Variants in ADARB2 observed in about 807,000 individuals in gnomAD.
ADARB2 encodes the protein adenosine deaminase RNA specific B2 (inactive).
Under a neutral mutation model 62.2 loss-of-function variants are expected in ADARB2, and 25 were observed. That is an observed-to-expected ratio of 0.40 (90% CI 0.29 to 0.56). The LOEUF (loss-of-function observed/expected upper bound fraction) is 0.56. ADARB2 is among the 20% of genes least tolerant of loss of function. The probability of loss-of-function intolerance (pLI) is 0.43; values close to 1 mark genes in which losing one functional copy is unlikely to be tolerated. For missense variants in ADARB2, 1,071 were observed against 1,077.4 expected (o/e 0.99, Z 0.08); for synonymous variants, 572 against 500.8 (o/e 1.14, Z -1.90).
intron 3 of ADARB2, among the ~76,000 whole-genome samples, chr10:1,360,661 G>A (rs185051926): frequency 1.9e-4 from 29 of 152,326 alleles, no homozygotes; most frequent in Non-Finnish European, 2.2e-4. Context: ...CATGGGGAGC[G>A]GTACGAGGGA....
intron 1 of ADARB2, among the ~76,000 whole-genome samples, chr10:1,653,448 G>C (rs752105908): frequency 6.7e-6 from 1 of 148,818 alleles, no homozygotes; most frequent in Non-Finnish European, 1.5e-5. Context: ...AATGTTGGGG[G>C]GCCCAGGAAT....
At chr10:1,573,910 A>G (rs1399866638) in intron 1 of ADARB2, among the ~76,000 whole-genome samples, 1 of 152,206 alleles carries the variant, frequency 6.6e-6, no homozygotes, top group African/African-American at 2.4e-5. Context: ...GCTGGGCAGG[A>G]CACAAGACAC....
rs74986478 is a variant in ADARB2, at chr10:1,588,194, C to T, written c.100+148857G>A. Among the ~76,000 whole-genome samples, 19 of 152,242 alleles carry T rather than the reference C, an allele frequency of 1.2e-4. No individual in the cohort carries two copies. The East Asian group carries it at 3.5e-3, about 28-fold the overall frequency. On this transcript the variant is annotated intron_variant, in intron 1 of 9. Coordinates refer to ENST00000381312, the MANE Select transcript of ADARB2 (RefSeq NM_018702.4). Reference sequence around the variant, plus strand: ...GCAGTTCTAAGCTCACAGGTCACACCCTCTCCCCAATCCCTCCAGTTGCTG... The same window carrying T: ...GCAGTTCTAAGCTCACAGGTCACACTCTCTCCCCAATCCCTCCAGTTGCTG...
chr10:1,462,599 G>A (rs892627832), intron 1 of ADARB2, among the ~76,000 whole-genome samples: 3 of 151,884 alleles, frequency 2.0e-5, no homozygotes, highest in African/African-American at 7.3e-5. Context: ...GAGTGTATGT[G>A]CATGTGTGTA....
intron 3 of ADARB2, among the ~76,000 whole-genome samples, chr10:1,281,402 G>T (rs1026709356): frequency 6.6e-6 from 1 of 152,214 alleles, no homozygotes; most frequent in Non-Finnish European, 1.5e-5. Flanking sequence ...TGTGTTGGTG[G>T]TTTGTGGATT....
intron 1 of ADARB2, among the ~76,000 whole-genome samples, chr10:1,511,325 G>A (rs1831933869): frequency 1.3e-5 from 2 of 152,170 alleles, no homozygotes; most frequent in African/African-American, 2.4e-5. Context: ...CCTACCCCAT[G>A]GTGGGCTTTG....
chr10:1,464,339 C>T (rs1831219755), intron 1 of ADARB2, among the ~76,000 whole-genome samples: 1 of 145,766 alleles, frequency 6.9e-6, no homozygotes, highest in African/African-American at 2.6e-5. Flanking sequence ...ACACACACTC[C>T]CCCACACACG....
At chr10:1,468,891 C>G (rs571762535) in intron 1 of ADARB2, among the ~76,000 whole-genome samples, 17 of 152,304 alleles carry the variant, frequency 1.1e-4, no homozygotes, top group African/African-American at 3.8e-4. Flanking sequence ...CTTGAAGAAG[C>G]CTGCAGGATC....
chr10:1,221,576 C>T (rs1830695871), intron 6 of ADARB2, among the ~76,000 whole-genome samples: 1 of 151,206 alleles, frequency 6.6e-6, no homozygotes, highest in South Asian at 2.1e-4. Context: ...CCTCACCCCA[C>T]CCCACCACAG....
intron 1 of ADARB2, among the ~76,000 whole-genome samples, chr10:1,531,264 A>G (rs1428660015): frequency 6.6e-6 from 1 of 152,184 alleles, no homozygotes; most frequent in Non-Finnish European, 1.5e-5. Flanking sequence ...GTGCAGGATC[A>G]TTTCACAAGT....
chr10:1,636,017 A>G (rs553816382), intron 1 of ADARB2, among the ~76,000 whole-genome samples: 1 of 152,314 alleles, frequency 6.6e-6, no homozygotes. Flanking sequence ...CACATGGGAC[A>G]TCAGTGTTGG....
At chr10:1,381,457 G>A (rs1293654118) in intron 1 of ADARB2, among the ~76,000 whole-genome samples, 1 of 152,244 alleles carries the variant, frequency 6.6e-6, no homozygotes, top group Admixed American at 6.5e-5. Flanking sequence ...AGCCCTCCGG[G>A]AATGTAAAAT....
intron 6 of ADARB2, among the ~76,000 whole-genome samples, chr10:1,221,424 A>G (rs1248808801): frequency 6.7e-6 from 1 of 149,584 alleles, no homozygotes; most frequent in African/African-American, 2.5e-5. Flanking sequence ...TAATTTTATT[A>G]TTATTATTAT....
intron 3 of ADARB2, among the ~76,000 whole-genome samples, chr10:1,352,053 G>A (rs1832148165): frequency 6.6e-6 from 1 of 151,712 alleles, no homozygotes; most frequent in African/African-American, 2.4e-5. Context: ...GACTGACCCT[G>A]ACACCCATCA....
chr10:1,425,091 G>T (rs185520333), intron 1 of ADARB2, among the ~76,000 whole-genome samples: 3 of 152,190 alleles, frequency 2.0e-5, no homozygotes, highest in Non-Finnish European at 4.4e-5. Context: ...GCAAGAGAAG[G>T]GGGTGGTCAG....
intron 1 of ADARB2, among the ~76,000 whole-genome samples, chr10:1,425,962 G>T (rs1013962824): frequency 1.3e-5 from 2 of 152,184 alleles, no homozygotes. Flanking sequence ...AGCTGAGCGG[G>T]TGAGGGCTAA....
intron 1 of ADARB2, among the ~76,000 whole-genome samples, chr10:1,592,850 T>C (rs71500153): frequency 0.012 from 60 of 5,182 alleles, no homozygotes; most frequent in Admixed American, 0.019. Context: ...CTCCATAGGT[T>C]TCCTCTCTGG....
intron 4 of ADARB2, among the ~76,000 whole-genome samples, chr10:1,259,057 A>G (rs1041508738): frequency 3.3e-5 from 5 of 152,214 alleles, no homozygotes; most frequent in Non-Finnish European, 7.4e-5. Context: ...CTACTGGGTA[A>G]ATAACGAAAT....
chr10:1,633,224 C>T (rs1467447123), intron 1 of ADARB2, among the ~76,000 whole-genome samples: 1 of 152,106 alleles, frequency 6.6e-6, no homozygotes, highest in Non-Finnish European at 1.5e-5. Flanking sequence ...CACCAGTGCC[C>T]AAGCAGGGAT....
Sources: allele counts gnomAD v4.1 joint callset (sites outside exome capture counted in the v4.1 genomes callset), GRCh38; gene constraint gnomAD v4.1.1; transcripts MANE v1.5; gene names NCBI Gene and HGNC (gene_info 2026-07-23, HGNC 2026-07-21).